Variants in ZNF589 observed in about 807,000 individuals in gnomAD.
The protein encoded by ZNF589 is KRAB-zinc finger protein SZF1-1.
In ZNF589, 17 loss-of-function variants were observed where a neutral mutation model predicts 13.6. The ratio of observed to expected loss-of-function variants is 1.25; its 90% CI spans 0.86 to 1.88. The LOEUF (loss-of-function observed/expected upper bound fraction) is 1.88. Among genes scored for constraint, ZNF589 ranks in the 40% most tolerant of loss-of-function variants. ZNF589 has a pLI of 0.00. For synonymous variants in ZNF589, 148 were observed against 161.6 expected (o/e 0.92, Z 0.64); for missense variants, 407 against 434.0 (o/e 0.94, Z 0.55).
At chr3:48,241,516 A>G (rs961673076) in intron 1 of ZNF589, among the ~76,000 whole-genome samples, 5 of 152,206 alleles carry the variant, frequency 3.3e-5, no homozygotes, top group African/African-American at 1.2e-4. Flanking sequence ...GAAGAACAGC[A>G]TTTTGTATTA....
intron 2 of ZNF589, chr3:48,256,396 A>G: frequency 1.8e-6 from 1 of 566,220 alleles, no homozygotes; most frequent in Non-Finnish European, 3.5e-6. Context: ...ATTGTCCCTC[A>G]GGAGGGTTGA....
At chr3:48,262,530 T>C (rs920118196) in intron 3 of ZNF589, among the ~76,000 whole-genome samples, 1 of 152,104 alleles carries the variant, frequency 6.6e-6, no homozygotes, top group African/African-American at 2.4e-5. Context: ...TGATCAGAAC[T>C]CACAAAGTTA....
At chr3:48,262,648 A>G (rs1240692772) in intron 3 of ZNF589, among the ~76,000 whole-genome samples, 1 of 152,242 alleles carries the variant, frequency 6.6e-6, no homozygotes, top group African/African-American at 2.4e-5. Context: ...TGAGATCCAC[A>G]CATTCCATCT....
Position 48,268,046 on chromosome 3 carries a change from G to C in ZNF589, c.355G>C (p.Gly119Arg). 2 of 1,614,176 alleles carry C rather than the reference G, an allele frequency of 1.2e-6. No homozygotes were observed. The highest frequency in any genetic ancestry group is 1.7e-6 in the Non-Finnish European group (2 of 1,180,052). ...GFHAGNQLHPGNPCPEDQPQS... is the reference protein window; with the variant it reads ...GFHAGNQLHPRNPCPEDQPQS... ...CCATGCAGGAAATCAACTCCACCCA[G>C]GAAATCCCTGCCCAGAGGATCAGCC... The change falls in exon 4 of 4, where the codon GGA becomes CGA. Residue 119 changes from glycine (G) to arginine (R), a missense_variant. Physicochemically the swap from Gly to Arg is moderately radical, Grantham distance 125. Transcript: ENST00000354698.
chr3:48,269,369 C>A lies in ZNF589; in HGVS notation c.*583C>A. 1 of 736,894 alleles carries A rather than the reference C, an allele frequency of 1.4e-6. No individual in the cohort carries two copies. Among genetic ancestry groups the A allele is most frequent in the South Asian group, 1.9e-5 (1 of 51,636 alleles). The allele number at this position is 736,894 out of a possible 1,614,324, so 45.6% of individuals were successfully genotyped here. ...CAAGGAAAAACCTTATGTGTGCAGC[C>A]AGTGTGGGCGAGGCTTTTGTGATAA... On this transcript the variant is annotated 3_prime_UTR_variant, in exon 4 of 4. Transcript: ENST00000354698.
chr3:48,244,230 G>T (rs1192231935), intron 1 of ZNF589, among the ~76,000 whole-genome samples: 1 of 152,110 alleles, frequency 6.6e-6, no homozygotes. Flanking sequence ...TTGCTGAAAA[G>T]ACTGAGGAGC....
At chr3:48,255,540 C>G (rs1300856795) in intron 2 of ZNF589, among the ~76,000 whole-genome samples, 5 of 130,402 alleles carry the variant, frequency 3.8e-5, no homozygotes, top group Admixed American at 2.7e-4. Context: ...TTTCTCCAGG[C>G]TGGAGTGCAG....
At chr3:48,263,115 C>G (rs915484153) in intron 3 of ZNF589, among the ~76,000 whole-genome samples, 1 of 146,378 alleles carries the variant, frequency 6.8e-6, no homozygotes, top group African/African-American at 2.5e-5. Context: ...TTCTTTTTTT[C>G]TTTTTTTTTT....
At chr3:48,266,250 C>G (rs1262592739) in intron 3 of ZNF589, among the ~76,000 whole-genome samples, 1 of 152,190 alleles carries the variant, frequency 6.6e-6, no homozygotes, top group Non-Finnish European at 1.5e-5. Context: ...CACCTTTGGC[C>G]TTTGAACTAC....
intron 1 of ZNF589, among the ~76,000 whole-genome samples, chr3:48,244,301 T>C (rs1030195328): frequency 6.6e-6 from 1 of 152,062 alleles, no homozygotes; most frequent in South Asian, 2.1e-4. Flanking sequence ...ATAATGGTAC[T>C]CAGTTTTTCT....
Position 48,268,626 on chromosome 3 carries a change from G to T in ZNF589, c.935G>T (p.Gly312Val). 1 of 1,613,922 alleles carries T rather than the reference G, an allele frequency of 6.2e-7. No homozygotes were observed. The highest frequency in any genetic ancestry group is 8.5e-7 in the Non-Finnish European group (1 of 1,180,006). ...TATGTGTGCAGCCATTGTGGGCGAG[G>T]CTTTAGCTGCAAGCCATACCTCATC... ...KPYVCSHCGR[G>V]FSCKPYLIRH... is the part of the protein sequence containing the mutation. Residue 312 changes from glycine to valine, a missense_variant, in exon 4 of 4, where the codon GGC becomes GTC. Physicochemically the swap from Gly to Val is moderately radical, Grantham distance 109. Transcript: ENST00000354698.
chr3:48,268,655 C>T lies in ZNF589; in HGVS notation c.964C>T (p.His322Tyr), dbSNP rs764137307. ...GFSCKPYLIR[H>Y]QRTHTREKSF... ...TAGCTGCAAGCCATACCTCATCAGACATCAGAGGACACACACAAGGGAGAA... is the reference window on the plus strand; with the variant it reads ...TAGCTGCAAGCCATACCTCATCAGATATCAGAGGACACACACAAGGGAGAA... The change falls in exon 4 of 4, where the codon CAT becomes TAT. Residue 322 changes from histidine (H) to tyrosine (Y), a missense_variant. Transcript: ENST00000354698. The T allele has an allele frequency of 3.7e-6, 6 of 1,613,806 alleles. No individual in the cohort carries two copies. In the South Asian group the frequency reaches 6.6e-5, roughly 18 times the overall value.
intron 3 of ZNF589, among the ~76,000 whole-genome samples, chr3:48,261,883 A>G (rs550849337): frequency 2.1e-4 from 32 of 152,294 alleles, no homozygotes; most frequent in Admixed American, 9.8e-4. Flanking sequence ...CAATTGGCCA[A>G]TCTGATTTGG....
chr3:48,254,216 A>C (rs989743707), intron 2 of ZNF589, among the ~76,000 whole-genome samples: 1 of 152,164 alleles, frequency 6.6e-6, no homozygotes, highest in Admixed American at 6.5e-5. Context: ...AGATCGTGCC[A>C]TTGCACTCCA....
chr3:48,269,213 G>C lies in ZNF589; in HGVS notation c.*427G>C. On this transcript the variant is annotated 3_prime_UTR_variant, in exon 4 of 4. Transcript: ENST00000354698. Reference sequence around the variant, plus strand: ...TTATGCATGCACGGAGTGTGGGCAAGGCTTTATCACGAAATCACAGCTCAT... The same window carrying C: ...TTATGCATGCACGGAGTGTGGGCAACGCTTTATCACGAAATCACAGCTCAT... 1 of 1,380,740 alleles carries C rather than the reference G, an allele frequency of 7.2e-7. No individual in the cohort carries two copies. The highest frequency in any genetic ancestry group is 1.0e-6 in the Non-Finnish European group (1 of 991,412). The allele number at this position is 1,380,740 out of a possible 1,614,324, so 85.5% of individuals were successfully genotyped here.
In ZNF589 at chr3:48,269,213, G is replaced by T; in HGVS notation, c.*427G>T. On this transcript the variant is annotated 3_prime_UTR_variant, in exon 4 of 4. Transcript: ENST00000354698. ...TTATGCATGCACGGAGTGTGGGCAA[G>T]GCTTTATCACGAAATCACAGCTCAT... 7.2e-7 allele frequency: 1 copy of T among 1,380,740 alleles called. No homozygotes were observed. Among genetic ancestry groups the T allele is most frequent in the Non-Finnish European group, 1.0e-6 (1 of 991,412 alleles). 85.5% of individuals were successfully genotyped at this position (1,380,740 alleles called of 1,614,324 possible).
chr3:48,247,295 A>C (rs1447356716), intron 1 of ZNF589, among the ~76,000 whole-genome samples: 1 of 151,830 alleles, frequency 6.6e-6, no homozygotes, highest in Admixed American at 6.6e-5. Context: ...ATTAAAAAAA[A>C]ACATGTAACT....
chr3:48,268,104 G>A lies in ZNF589; in HGVS notation c.413G>A (p.Arg138Lys), dbSNP rs1041889401. ...QSQHPSDKNH[R>K]GAEAEDQRVE... ...CAACATCCTTCTGATAAAAATCACA[G>A]GGGGGCTGAAGCAGAAGATCAACGA... The change falls in exon 4 of 4, where the codon AGG becomes AAG. Residue 138 changes from arginine (R) to lysine (K), a missense_variant. Transcript: ENST00000354698. 3.1e-6 allele frequency: 5 copies of A among 1,614,076 alleles called. No homozygotes were observed. The Admixed American group carries it at 8.3e-5, about 27-fold the overall frequency.
intron 2 of ZNF589, among the ~76,000 whole-genome samples, chr3:48,252,835 G>C (rs1444402174): frequency 2.0e-5 from 3 of 151,034 alleles, no homozygotes; most frequent in African/African-American, 7.3e-5. Context: ...TGTTATCCAG[G>C]ATGGTCTCAA....
Sources: gnomAD v4.1 joint callset for allele counts (sites outside exome capture counted in the v4.1 genomes callset) on GRCh38, gnomAD v4.1.1 for gene constraint, MANE v1.5 for transcripts, NCBI Gene and HGNC (gene_info 2026-07-23, HGNC 2026-07-21) for gene names.